PRPF3: variants seen among roughly 807,000 people sequenced by gnomAD.
The protein encoded by PRPF3 is U4/U6 small nuclear ribonucleoprotein Prp3.
A neutral mutation model predicts 89.2 loss-of-function variants in PRPF3; 3 were observed. That is an observed-to-expected ratio of 0.03 (90% CI 0.02 to 0.09). The LOEUF (loss-of-function observed/expected upper bound fraction) is 0.09. PRPF3 is among the 10% of genes least tolerant of loss of function. The pLI is 1.00. For synonymous variants in PRPF3, 270 were observed against 289.1 expected (o/e 0.93, Z 0.67); for missense variants, 463 against 828.8 (o/e 0.56, Z 5.42).
chr1:150,328,457 T>C lies in PRPF3; in HGVS notation c.414T>C (p.Thr138=), dbSNP rs782429913. The C allele has an allele frequency of 3.7e-6, 6 of 1,613,358 alleles. No individual in the cohort carries two copies. Among genetic ancestry groups the C allele is most frequent in the Middle Eastern group, 1.7e-4 (1 of 6,052 alleles). Residue 138 remains threonine (T), a synonymous_variant, in exon 4 of 16, where the codon ACT becomes ACC. Transcript: ENST00000324862. The stretch of plus-strand genomic sequence containing the variant: ...CATCAGAGAGCCCTGGCATGCTGAC[T>C]AAGCTCCAGGTTAGTGATTAGGGAC... ...GPPSESPGML[T]KLQIKQMMEA...
In PRPF3 at chr1:150,353,169, G is replaced by T. The variant is rs1242873530; in HGVS notation, c.*190G>T. On this transcript the variant is annotated 3_prime_UTR_variant, in exon 16 of 16. Transcript: ENST00000324862. ...GTGTTGCCCTTTATTCCCCTTATGT[G>T]CATATGATTAAAGAGTTATTTTTAA... 4 of 663,794 alleles carry T rather than the reference G, an allele frequency of 6.0e-6. No individual in the cohort carries two copies. The highest frequency in any genetic ancestry group is 1.1e-5 in the Non-Finnish European group (4 of 375,358). The allele number at this position is 663,794 out of a possible 1,614,324, so 41.1% of individuals were successfully genotyped here. A position where few individuals can be genotyped will look rare whatever the true frequency, so the allele number is the denominator to read the frequency against.
rs1343958402 is a variant in PRPF3, at chr1:150,353,094, A to AG, written c.*116dup. The stretch of plus-strand genomic sequence containing the variant: ...GTGTGATCTCAGAACTGTGCCAAGC[A>AG]GACACTGGGACAAAGGGAGAATATC... On this transcript the variant is annotated 3_prime_UTR_variant, in exon 16 of 16. Coordinates refer to ENST00000324862, the MANE Select transcript of PRPF3 (RefSeq NM_004698.4). The AG allele has an allele frequency of 1.2e-5, 16 of 1,388,706 alleles. No homozygotes were observed. Among genetic ancestry groups the AG allele is most frequent in the Non-Finnish European group, 1.5e-5 (15 of 978,212 alleles). The allele number at this position is 1,388,706 out of a possible 1,614,324, so 86.0% of individuals were successfully genotyped here. A position where few individuals can be genotyped will look rare whatever the true frequency, so the allele number is the denominator to read the frequency against.
chr1:150,336,870 C>T (rs587747925), intron 7 of PRPF3, among the ~76,000 whole-genome samples: 1 of 151,686 alleles, frequency 6.6e-6, no homozygotes, highest in Non-Finnish European at 1.5e-5. Flanking sequence ...GAAAATTCTC[C>T]ACATACAACT....
Position 150,346,400 on chromosome 1 carries a change from G to C in PRPF3, c.1760-8G>C. 1 of 1,612,738 alleles carries C rather than the reference G, an allele frequency of 6.2e-7. No individual in the cohort carries two copies. The highest frequency in any genetic ancestry group is 8.5e-7 in the Non-Finnish European group (1 of 1,178,780). On this transcript the variant is annotated splice_polypyrimidine_tract_variant and splice_region_variant and intron_variant, in intron 13 of 15. Transcript: ENST00000324862. ...AGTTCTGGCAAAATTATTCTTCTCT[G>C]TTTCCAGGCCCCAAGGCCCAGAAGA...
rs1467846345 is a variant in PRPF3, at chr1:150,338,495, G to GTATTTTTTTTTTTT, written c.1202+170_1202+171insATTTTTTTTTTTTT. On this transcript the variant is annotated intron_variant, in intron 8 of 15. Coordinates refer to ENST00000324862, the MANE Select transcript of PRPF3 (RefSeq NM_004698.4). ...GATAAGTAACTGTACACAAGGTCCTGTTATTTTTTTTTTTTTTTTTTTTGA... is the reference window on the plus strand; with the variant it reads ...GATAAGTAACTGTACACAAGGTCCTGTATTTTTTTTTTTTTTATTTTTTTTTTTTTTTTTTTTGA... Among the ~76,000 whole-genome samples the GTATTTTTTTTTTTT allele has an allele frequency of 3.4e-4, 12 of 35,760 alleles. 6 individuals are homozygous for GTATTTTTTTTTTTT. The highest frequency in any genetic ancestry group is 7.3e-4 in the Admixed American group (2 of 2,754). 23.5% of individuals were successfully genotyped at this position (35,760 alleles called of 152,430 possible).
Position 150,340,470 on chromosome 1 carries a change from T to A in PRPF3, c.1275T>A (p.Asn425Lys). ...TTGTTGAACATCCAGCCCAGCTCAA[T>A]CCTCCAGGTAATGTATAGATTCCTG... ...TNLVEHPAQL[N>K]PPVDNDTPVT... Residue 425 changes from asparagine to lysine, a missense_variant, in exon 9 of 16, where the codon AAT (asparagine) becomes AAA (lysine). By Grantham distance (94) the Asn-to-Lys change is moderately conservative. Transcript: ENST00000324862. The A allele has an allele frequency of 6.3e-7, 1 of 1,595,652 alleles. No individual in the cohort carries two copies. Among genetic ancestry groups the A allele is most frequent in the Non-Finnish European group, 8.6e-7 (1 of 1,163,204 alleles).
intron 7 of PRPF3, among the ~76,000 whole-genome samples, chr1:150,335,918 G>A (rs756206556): frequency 2.6e-5 from 4 of 151,982 alleles, no homozygotes; most frequent in African/African-American, 4.8e-5. Context: ...GCAGGCATGC[G>A]CCGCCATGCC....
intron 3 of PRPF3, among the ~76,000 whole-genome samples, chr1:150,326,932 G>A (rs1424684962): frequency 1.3e-5 from 2 of 151,990 alleles, no homozygotes; most frequent in Non-Finnish European, 2.9e-5. Context: ...GCAGTTTCAT[G>A]TAAATTTTAG....
chr1:150,340,314 G>GT (rs1430746171), intron 8 of PRPF3, 84 bp from the exon 9 acceptor site: 2 of 1,027,772 alleles, frequency 1.9e-6, no homozygotes, highest in Non-Finnish European at 3.0e-6. Flanking sequence ...TAGAGAGTGG[G>GT]TTTTTTCATT....
chr1:150,347,458 C>T (rs1205966547), intron 14 of PRPF3, among the ~76,000 whole-genome samples: 5 of 152,036 alleles, frequency 3.3e-5, no homozygotes, highest in African/African-American at 7.2e-5. Flanking sequence ...AGGCCAGGCA[C>T]GGTGGCTCAC....
rs1553872947 is a variant in PRPF3 at position 150,346,391 on chromosome 1, T to C, written c.1760-17T>C. Reference sequence around the variant, plus strand: ...ATCTTCCACAGTTCTGGCAAAATTATTCTTCTCTGTTTCCAGGCCCCAAGG... The same window carrying C: ...ATCTTCCACAGTTCTGGCAAAATTACTCTTCTCTGTTTCCAGGCCCCAAGG... On this transcript the variant is annotated splice_polypyrimidine_tract_variant and intron_variant, in intron 13 of 15. Transcript: ENST00000324862. 6.2e-7 allele frequency: 1 copy of C among 1,609,460 alleles called. No homozygotes were observed. Among genetic ancestry groups the C allele is most frequent in the East Asian group, 2.2e-5 (1 of 44,856 alleles).
At chr1:150,333,919 A>C (rs1358055518) in intron 6 of PRPF3, among the ~76,000 whole-genome samples, 1 of 152,214 alleles carries the variant, frequency 6.6e-6, no homozygotes, top group African/African-American at 2.4e-5. Context: ...ATTCAGGGAT[A>C]AGGAAAGATA....
intron 8 of PRPF3, among the ~76,000 whole-genome samples, chr1:150,339,048 G>T (rs1281984839): frequency 6.6e-6 from 1 of 151,914 alleles, no homozygotes; most frequent in Non-Finnish European, 1.5e-5. Context: ...AGGATTATTA[G>T]TTGGTAGGTG....
chr1:150,333,273 G>A, intron 6 of PRPF3, 74 bp downstream of exon 6: 1 of 1,510,338 alleles, frequency 6.6e-7, no homozygotes, highest in Non-Finnish European at 9.1e-7. Flanking sequence ...GAATGTTACT[G>A]ATCTGGCTGG....
At position 150,348,459 on chromosome 1, in the gene PRPF3, C is replaced by CTTTTTTTTTTTTTTTTTTTTTTTTT. The variant is rs1553873583; in HGVS notation, c.1844-698_1844-697insTTTTTTTTTTTTTTTTTTTTTTTTT. Among the ~76,000 whole-genome samples the CTTTTTTTTTTTTTTTTTTTTTTTTT allele has an allele frequency of 1.1e-3, 39 of 34,832 alleles. 3 individuals carry two copies. The highest frequency in any genetic ancestry group is 3.6e-3 in the African/African-American group (38 of 10,616). 22.9% of individuals were successfully genotyped at this position (34,832 alleles called of 152,430 possible). A position where few individuals can be genotyped will look rare whatever the true frequency, so the allele number is the denominator to read the frequency against. The stretch of plus-strand genomic sequence containing the variant: ...TAAAAAATATTTTGTTCTACACGTG[C>CTTTTTTTTTTTTTTTTTTTTTTTTT]ATTTTTTTTTTTTTTTTTTTGAGAT... On this transcript the variant is annotated intron_variant, in intron 14 of 15. Transcript: ENST00000324862.
chr1:150,346,579 A>G, intron 14 of PRPF3, 88 bp downstream of exon 14: 1 of 1,338,728 alleles, frequency 7.5e-7, no homozygotes. Flanking sequence ...CCTCCCTGTG[A>G]CACTCTTGAT....
In PRPF3 at chr1:150,325,653, C is replaced by T. The variant is rs782291775; in HGVS notation, c.146-98C>T. The T allele has an allele frequency of 1.9e-4, 283 of 1,495,126 alleles. 1 individual carries two copies. Among genetic ancestry groups the T allele is most frequent in the Non-Finnish European group, 2.2e-4 (240 of 1,082,628 alleles). 92.6% of individuals were successfully genotyped at this position (1,495,126 alleles called of 1,614,324 possible). A position where few individuals can be genotyped will look rare whatever the true frequency, so the allele number is the denominator to read the frequency against. On this transcript the variant is annotated intron_variant, in intron 2 of 15. Coordinates refer to ENST00000324862, the MANE Select transcript of PRPF3 (RefSeq NM_004698.4). Reference sequence around the variant, plus strand: ...AAAAAACTTAAAATTTGTTTCACTCCTGGGAATAAAATTCCAGTGTTGGTA... The same window carrying T: ...AAAAAACTTAAAATTTGTTTCACTCTTGGGAATAAAATTCCAGTGTTGGTA...
rs1656840233 is a variant in PRPF3, at chr1:150,335,258, A to G, written c.1035+17A>G. The G allele has an allele frequency of 6.2e-7, 1 of 1,609,272 alleles. No homozygotes were observed. The highest frequency in any genetic ancestry group is 1.3e-5 in the African/African-American group (1 of 74,824). ...CGGACAAAGGTATCTGGCTTAGAGT[A>G]TAACACAGAATTTGGAAAAAGTTAA... On this transcript the variant is annotated intron_variant, in intron 7 of 15. Coordinates refer to ENST00000324862, the MANE Select transcript of PRPF3 (RefSeq NM_004698.4).
At chr1:150,337,087 G>A (rs1282658750) in intron 7 of PRPF3, among the ~76,000 whole-genome samples, 2 of 144,220 alleles carry the variant, frequency 1.4e-5, no homozygotes, top group South Asian at 4.4e-4. Flanking sequence ...CACCCAGGCT[G>A]CAGTGCAGTG....
Sources: allele counts gnomAD v4.1 joint callset (sites outside exome capture counted in the v4.1 genomes callset), GRCh38; gene constraint gnomAD v4.1.1; transcripts MANE v1.5; gene names NCBI Gene and HGNC (gene_info 2026-07-23, HGNC 2026-07-21).